The following TRIM33 variants were observed in gnomAD, a reference collection of about 807,000 sequenced individuals.
The protein encoded by TRIM33 is tripartite motif containing 33.
TRIM33 carries 20 observed loss-of-function variants against 125.4 expected under a neutral mutation model. The ratio of observed to expected loss-of-function variants is 0.16; its 90% confidence interval spans 0.11 to 0.23. The LOEUF (loss-of-function observed/expected upper bound fraction) is 0.23. TRIM33 is among the 10% of genes least tolerant of loss of function. TRIM33 has a pLI of 1.00. For synonymous variants in TRIM33, 564 were observed against 513.9 expected, an observed-to-expected ratio of 1.10 and a Z score of -1.32; for missense variants, 920 against 1,411.4, an observed-to-expected ratio of 0.65 and a Z score of 5.58.
intron 1 of TRIM33, among the ~76,000 whole-genome samples, chr1:114,472,624 G>A (rs1444782054): frequency 2.0e-5 from 3 of 152,162 alleles, no homozygotes; most frequent in African/African-American, 7.2e-5. Flanking sequence ...CAGCTACTCA[G>A]GAGGCTGAGG....
At chr1:114,460,696 T>TCTGCC (rs1215133695) in intron 4 of TRIM33, among the ~76,000 whole-genome samples, 1 of 151,692 alleles carries the variant, frequency 6.6e-6, no homozygotes, top group Non-Finnish European at 1.5e-5. Flanking sequence ...TCTCTATTGT[T>TCTGCC]CTGCCCTTCT....
chr1:114,462,632 A>G (rs977676487), intron 4 of TRIM33, among the ~76,000 whole-genome samples: 1 of 152,314 alleles, frequency 6.6e-6, no homozygotes, highest in Admixed American at 6.5e-5. Context: ...CTGAGGGTAC[A>G]AGGCTAAAAT....
At chr1:114,413,578 AG>A (rs1557849223) in intron 11 of TRIM33, among the ~76,000 whole-genome samples, 1,539 of 131,990 alleles carry the variant, frequency 0.012, 66 homozygotes, top group African/African-American at 0.047. Flanking sequence ...AAAAAAGAAA[AG>A]AAAAGAAAAA....
Position 114,402,361 on chromosome 1 carries a change from G to A in TRIM33, c.2892+399C>T, listed in dbSNP as rs1379836017. 2.0e-5 allele frequency among the ~76,000 whole-genome samples: 3 copies of A among 152,038 alleles called. No individual in the cohort carries two copies. The East Asian group carries it at 5.8e-4, about 29-fold the overall frequency. ...GTCCAGATGAGAAATTATGATGTAA[G>A]GTAAGAAAATCATATTATAGTTATT... is the stretch of plus-strand genomic sequence containing the variant. On this transcript the variant is annotated intron_variant, in intron 16 of 19. Coordinates refer to ENST00000358465, the MANE Select transcript of TRIM33 (RefSeq NM_015906.4).
At chr1:114,509,735 C>CA (rs1206106031) in intron 1 of TRIM33, among the ~76,000 whole-genome samples, 15 of 152,328 alleles carry the variant, frequency 9.8e-5, no homozygotes, top group Admixed American at 6.5e-5. Context: ...TATTGTGCCA[C>CA]AACCATTGTA....
chr1:114,397,589 G>GTTTTTTT lies in TRIM33; in HGVS notation c.*52_*58dup. The GTTTTTTT allele has an allele frequency of 1.6e-6, 1 of 637,684 alleles. No homozygotes were observed. Among genetic ancestry groups the GTTTTTTT allele is most frequent in the Non-Finnish European group, 2.4e-6 (1 of 424,414 alleles). The allele number at this position is 637,684 out of a possible 1,614,324, so 39.5% of individuals were successfully genotyped here. A position where few individuals can be genotyped will look rare whatever the true frequency, so the allele number is the denominator to read the frequency against. ...CTTAAAAGTTTTCTGGGTTTTTTGT[G>GTTTTTTT]TTTTTTTTTTTTTTTTCGTTTTTTT... On this transcript the variant is annotated 3_prime_UTR_variant, in exon 20 of 20. Transcript: ENST00000358465.
At position 114,511,053 on chromosome 1, in the gene TRIM33, G is replaced by C. The variant is rs1193265730; in HGVS notation, c.24C>G (p.Gly8=). Residue 8 remains glycine (G), a synonymous_variant, in exon 1 of 20, where the codon GGC becomes GGG. Transcript: ENST00000358465. Reference sequence around the variant, plus strand: ...TGCCCCCGCCGCCGCTCTCAGCCTCGCCGCCGCCTTTGTTTTCCGCCATGT... The same window carrying C: ...TGCCCCCGCCGCCGCTCTCAGCCTCCCCGCCGCCTTTGTTTTCCGCCATGT... MAENKGG[G]EAESGGGGSG... 7.7e-7 allele frequency: 1 copy of C among 1,303,514 alleles called. No homozygotes were observed. The highest frequency in any genetic ancestry group is 9.8e-7 in the Non-Finnish European group (1 of 1,023,192). 80.7% of individuals were successfully genotyped at this position (1,303,514 alleles called of 1,614,324 possible).
rs1424670052 is a variant in TRIM33 at position 114,397,476 on chromosome 1, TTC to T, written c.*170_*171del. On this transcript the variant is annotated 3_prime_UTR_variant, in exon 20 of 20. Coordinates refer to ENST00000358465, the MANE Select transcript of TRIM33 (RefSeq NM_015906.4). ...TCCCCCTTTCTTGACAAGAATGTGT[TTC>T]TGTCCATTATTTCAATCTAATACTG... 1 of 560,974 alleles carries T rather than the reference TTC, an allele frequency of 1.8e-6. No homozygotes were observed. The highest frequency in any genetic ancestry group is 2.9e-5 in the East Asian group (1 of 35,002). 34.7% of individuals were successfully genotyped at this position (560,974 alleles called of 1,614,324 possible).
chr1:114,484,960 G>A (rs879510842), intron 1 of TRIM33, among the ~76,000 whole-genome samples: 7 of 151,960 alleles, frequency 4.6e-5, no homozygotes, highest in African/African-American at 1.5e-4. Flanking sequence ...GCTGAGACAC[G>A]AAAATCACTT....
intron 14 of TRIM33, among the ~76,000 whole-genome samples, chr1:114,406,445 C>A (rs1169294973): frequency 6.6e-6 from 1 of 152,146 alleles, no homozygotes; most frequent in African/African-American, 2.4e-5. Flanking sequence ...TTCCTTCATT[C>A]TGTATTAGAA....
At chr1:114,456,350 A>T (rs1036817225) in intron 4 of TRIM33, among the ~76,000 whole-genome samples, 2 of 152,214 alleles carry the variant, frequency 1.3e-5, no homozygotes, top group African/African-American at 4.8e-5. Context: ...TACCATTTTA[A>T]TGAAGAATTA....
chr1:114,431,242 T>C lies in TRIM33; in HGVS notation c.1041-330A>G, dbSNP rs898091560. On this transcript the variant is annotated intron_variant, in intron 5 of 19. Coordinates refer to ENST00000358465, the MANE Select transcript of TRIM33 (RefSeq NM_015906.4). ...TCTGGATAGTGTCAAATGTGGCACA[T>C]TGGTTCTGTTTAACCTTGACGTTTT... 8.1e-4 allele frequency among the ~76,000 whole-genome samples: 124 copies of C among 152,364 alleles called. 2 individuals are homozygous for C. The highest frequency in any genetic ancestry group is 3.0e-3 in the African/African-American group (123 of 41,592).
chr1:114,468,814 G>A (rs1650463903), intron 1 of TRIM33: 1 of 320,716 alleles, frequency 3.1e-6, no homozygotes, highest in African/African-American at 2.2e-5. Flanking sequence ...GGCCCTGCTA[G>A]GGCAGTCTCA....
chr1:114,448,688 T>A (rs761035224), intron 4 of TRIM33, among the ~76,000 whole-genome samples: 1 of 152,118 alleles, frequency 6.6e-6, no homozygotes, highest in Non-Finnish European at 1.5e-5. Context: ...AGGAGTTAAA[T>A]GAGATCACAA....
intron 11 of TRIM33, among the ~76,000 whole-genome samples, chr1:114,418,836 C>T (rs1653094800): frequency 6.6e-6 from 1 of 152,036 alleles, no homozygotes; most frequent in African/African-American, 2.4e-5. Flanking sequence ...GGGGATTTTC[C>T]CACACCCCTA....
At chr1:114,493,201 T>G (rs1409306118) in intron 1 of TRIM33, among the ~76,000 whole-genome samples, 2 of 152,230 alleles carry the variant, frequency 1.3e-5, no homozygotes, top group Admixed American at 1.3e-4. Context: ...ACATATCTTC[T>G]TTGGGGAACT....
rs1651365899 is a variant in TRIM33 at position 114,393,091 on chromosome 1, T to TTAAC, written c.*4553_*4556dup. ...TTTTAAGAATCATATTGAAGGGCAG[T>TTAAC]TAACTATGTGCAAAAATAATAGTAC... On this transcript the variant is annotated 3_prime_UTR_variant, in exon 20 of 20. Transcript: ENST00000358465. The TTAAC allele has an allele frequency of 4.9e-6, 1 of 204,530 alleles. No homozygotes were observed. Among genetic ancestry groups the TTAAC allele is most frequent in the Admixed American group, 6.0e-5 (1 of 16,746 alleles). 12.7% of individuals were successfully genotyped at this position (204,530 alleles called of 1,614,324 possible).
At chr1:114,435,479 T>C (rs1648219072) in intron 4 of TRIM33, among the ~76,000 whole-genome samples, 1 of 152,146 alleles carries the variant, frequency 6.6e-6, no homozygotes. Context: ...ACTATGAGCA[T>C]CTAAATGTCC....
intron 4 of TRIM33, among the ~76,000 whole-genome samples, chr1:114,437,294 T>A (rs1004942263): frequency 1.3e-5 from 2 of 152,214 alleles, no homozygotes; most frequent in African/African-American, 4.8e-5. Flanking sequence ...AATACATAAA[T>A]ACTTCAAAGT....
Sources: gnomAD v4.1 joint callset for allele counts (sites outside exome capture counted in the v4.1 genomes callset) on GRCh38, gnomAD v4.1.1 for gene constraint, MANE v1.5 for transcripts, NCBI Gene and HGNC (gene_info 2026-07-23, HGNC 2026-07-21) for gene names.